Variants in SEPTIN8 observed in about 807,000 individuals in gnomAD.
The protein encoded by SEPTIN8 is septin 8.
SEPTIN8 carries 22 observed loss-of-function variants against 53.1 expected under a neutral mutation model. The ratio of observed to expected loss-of-function variants is 0.41; its 90% CI spans 0.30 to 0.59. The LOEUF (loss-of-function observed/expected upper bound fraction) is 0.59. Among genes scored for constraint, SEPTIN8 ranks in the 20% least tolerant of loss-of-function variants. SEPTIN8 has a pLI of 0.24. For synonymous variants in SEPTIN8, 228 were observed against 248.4 expected (o/e 0.92, Z 0.77); for missense variants, 536 against 638.7 (o/e 0.84, Z 1.73).
chr5:132,757,765 TC>T lies in SEPTIN8; in HGVS notation c.1286+3036del, dbSNP rs765010000. On this transcript the variant is annotated intron_variant, in intron 9 of 9. Transcript: ENST00000378719. ...TAGAAGAGTCAAAGCTGCTAGTACT[TC>T]CTTAAAATGTTCCCCTTTAGAGTGC... 1.4e-4 allele frequency: 141 copies of T among 985,284 alleles called. 1 individual carries two copies. The highest frequency in any genetic ancestry group is 5.2e-4 in the Middle Eastern group (1 of 1,936). The allele number at this position is 985,284 out of a possible 1,614,324, so 61.0% of individuals were successfully genotyped here. A position where few individuals can be genotyped will look rare whatever the true frequency, so the allele number is the denominator to read the frequency against.
intron 1 of SEPTIN8, among the ~76,000 whole-genome samples, chr5:132,767,985 A>ACACG (rs1491417775): frequency 6.7e-6 from 1 of 149,822 alleles, no homozygotes; most frequent in Non-Finnish European, 1.5e-5. Flanking sequence ...ACACACACAC[A>ACACG]CGCAGCCGCA....
At position 132,765,524 on chromosome 5, in the gene SEPTIN8, T is replaced by C. The variant is rs779193960; in HGVS notation, c.36A>G (p.Ala12=). The change falls in exon 2 of 10, where the codon GCA becomes GCG. Residue 12 remains alanine, a synonymous_variant. Transcript: ENST00000378719. Reference sequence around the variant, plus strand: ...GGGAGAGGCTCCGGGGCTCTGGCTCTGCATTCTGCCAAGAGAGAAATAAAG... The same window carrying C: ...GGGAGAGGCTCCGGGGCTCTGGCTCCGCATTCTGCCAAGAGAGAAATAAAG... The part of the protein sequence containing the change: ...AATDLERFSN[A]EPEPRSLSLG... 2 of 1,595,280 alleles carry C rather than the reference T, an allele frequency of 1.3e-6. No homozygotes were observed. The highest frequency in any genetic ancestry group is 2.2e-5 in the East Asian group (1 of 44,550).
chr5:132,770,923 C>T (rs1230534664), intron 1 of SEPTIN8, among the ~76,000 whole-genome samples: 1 of 152,208 alleles, frequency 6.6e-6, no homozygotes, highest in East Asian at 1.9e-4. Flanking sequence ...CACTAACAAG[C>T]TTTTGGCTCC....
intron 1 of SEPTIN8, among the ~76,000 whole-genome samples, chr5:132,774,727 A>G (rs1245322249): frequency 6.6e-6 from 1 of 152,188 alleles, no homozygotes; most frequent in East Asian, 1.9e-4. Context: ...CTGCAGGGCT[A>G]GACTGACCAC....
intron 9 of SEPTIN8, chr5:132,758,882 A>G (rs1157906123): frequency 6.6e-7 from 1 of 1,509,996 alleles, no homozygotes; most frequent in African/African-American, 1.4e-5. Flanking sequence ...AGATATGCAG[A>G]CCAAATCAAA....
In SEPTIN8 at chr5:132,763,717, G is replaced by C. The variant is rs1270388563; in HGVS notation, c.523C>G (p.Leu175Val). ...GGGGACAGGGATACCTTGCTGTCTAGTTTCTTCATGGTCACTAGATCTAGA... is the reference window on the plus strand; with the variant it reads ...GGGGACAGGGATACCTTGCTGTCTACTTTCTTCATGGTCACTAGATCTAGA... ...KSLDLVTMKK[L>V]DSKVNIIPII... Residue 175 changes from leucine (L) to valine (V), a missense_variant, in exon 4 of 10, where the codon CTA (leucine) becomes GTA (valine). This residue lies in a region of SEPTIN8 where 395 missense variants were observed against 451.8 expected (regional missense o/e 0.87). Transcript: ENST00000378719. 1 of 1,613,948 alleles carries C rather than the reference G, an allele frequency of 6.2e-7. No individual in the cohort carries two copies. The highest frequency in any genetic ancestry group is 8.5e-7 in the Non-Finnish European group (1 of 1,179,928).
In SEPTIN8 at chr5:132,770,022, T is replaced by C. The variant is rs13155628; in HGVS notation, c.31-4493A>G. Among the ~76,000 whole-genome samples the C allele has an allele frequency of 5.8e-3, 202 of 34,984 alleles. 1 individual carries two copies. The highest frequency in any genetic ancestry group is 7.2e-3 in the Admixed American group (18 of 2,490). The allele number at this position is 34,984 out of a possible 152,430, so 23.0% of individuals were successfully genotyped here. A position where few individuals can be genotyped will look rare whatever the true frequency, so the allele number is the denominator to read the frequency against. On this transcript the variant is annotated intron_variant, in intron 1 of 9. Coordinates refer to ENST00000378719, the MANE Select transcript of SEPTIN8 (RefSeq NM_001098811.2). Reference sequence around the variant, plus strand: ...ATATATATATATATATATATATATATACACACACATATATATATATGTGTG... The same window carrying C: ...ATATATATATATATATATATATATACACACACACATATATATATATGTGTG...
At chr5:132,752,592 G>T (rs780460325) in intron 9 of SEPTIN8, among the ~76,000 whole-genome samples, 32 of 152,152 alleles carry the variant, frequency 2.1e-4, no homozygotes, top group Admixed American at 9.8e-4. Context: ...AGGTACAGGG[G>T]TACCATGAGG....
Position 132,751,099 on chromosome 5 carries a change from T to C in SEPTIN8, c.*917A>G, listed in dbSNP as rs1754807961. On this transcript the variant is annotated 3_prime_UTR_variant, in exon 10 of 10. Transcript: ENST00000378719. ...GCAAAGCACAGGCGTGCACACGCCC[T>C]TGCACATGCACCACAGTGAGGTGAC... 1.5e-6 allele frequency: 2 copies of C among 1,345,742 alleles called. No homozygotes were observed. Among genetic ancestry groups the C allele is most frequent in the African/African-American group, 1.4e-5 (1 of 69,272 alleles). The allele number at this position is 1,345,742 out of a possible 1,614,324, so 83.4% of individuals were successfully genotyped here.
intron 9 of SEPTIN8, among the ~76,000 whole-genome samples, chr5:132,759,818 G>A (rs781746815): frequency 2.0e-5 from 3 of 152,202 alleles, no homozygotes; most frequent in Non-Finnish European, 2.9e-5. Context: ...TAGCATGGCT[G>A]TGAATGAGGT....
Position 132,752,295 on chromosome 5 carries a change from GA to G in SEPTIN8, c.1287-115del, listed in dbSNP as rs530189479. The stretch of plus-strand genomic sequence containing the variant: ...GTACCCTTTGCCCTTGTAGCCTCTG[GA>G]AAATGTTCTGGCCATAACCCTGGAA... On this transcript the variant is annotated intron_variant, in intron 9 of 9. Coordinates refer to ENST00000378719, the MANE Select transcript of SEPTIN8 (RefSeq NM_001098811.2). The G allele has an allele frequency of 3.9e-5, 52 of 1,347,030 alleles. No individual in the cohort carries two copies. The South Asian group carries it at 7.6e-4, about 20-fold the overall frequency. 83.4% of individuals were successfully genotyped at this position (1,347,030 alleles called of 1,614,324 possible). A position where few individuals can be genotyped will look rare whatever the true frequency, so the allele number is the denominator to read the frequency against.
At chr5:132,752,907 G>A (rs1346094240) in intron 9 of SEPTIN8, 1 of 1,614,154 alleles carries the variant, frequency 6.2e-7, no homozygotes, top group South Asian at 1.1e-5. Context: ...AACTTGTAAT[G>A]CAGCAACTGA....
chr5:132,752,865 G>C (rs775192460), intron 9 of SEPTIN8: 4 of 1,613,076 alleles, frequency 2.5e-6, no homozygotes, highest in Non-Finnish European at 3.4e-6. Context: ...TTCTAATACA[G>C]GTTGGTGATA....
At chr5:132,752,314 C>T (rs1480885123) in intron 9 of SEPTIN8, 133 bp from the exon 10 acceptor site, 4 of 1,218,046 alleles carry the variant, frequency 3.3e-6, no homozygotes, top group Non-Finnish European at 4.5e-6. Flanking sequence ...CTGGCCATAA[C>T]CCTGGAAAGA....
At chr5:132,758,789 G>C in intron 9 of SEPTIN8, 2 of 1,614,136 alleles carry the variant, frequency 1.2e-6, no homozygotes, top group Non-Finnish European at 8.5e-7. Flanking sequence ...AAAGTCTAAA[G>C]TCCACTCTTG....
upstream of SEPTIN8, chr5:132,777,665 G>A (rs1471582566): frequency 5.1e-6 from 5 of 985,442 alleles, no homozygotes; most frequent in Admixed American, 1.2e-4. This position sits in a 1 kb window ranked among gnomAD's most constrained non-coding sequence, Gnocchi z 4.1. Flanking sequence ...AAATGTGCTG[G>A]GACCACCAAC....
intron 9 of SEPTIN8, among the ~76,000 whole-genome samples, chr5:132,759,688 G>A (rs963119654): frequency 6.6e-6 from 1 of 152,168 alleles, no homozygotes; most frequent in Non-Finnish European, 1.5e-5. Flanking sequence ...AATGGATCCC[G>A]AGAATGACGG....
intron 1 of SEPTIN8, among the ~76,000 whole-genome samples, chr5:132,770,734 A>G (rs1272317464): frequency 2.0e-5 from 3 of 152,056 alleles, no homozygotes; most frequent in Non-Finnish European, 4.4e-5. Flanking sequence ...CTTAACTTGG[A>G]CCCCAGAGAG....
At chr5:132,753,231 G>A in intron 9 of SEPTIN8, 3 of 469,690 alleles carry the variant, frequency 6.4e-6, no homozygotes, top group Non-Finnish European at 7.7e-6. Flanking sequence ...CCTGAAGCCA[G>A]GGAGTATGAA....
Sources: allele counts gnomAD v4.1 joint callset (sites outside exome capture counted in the v4.1 genomes callset), GRCh38; gene constraint gnomAD v4.1.1; regional missense constraint gnomAD v4.1.1; non-coding constraint Gnocchi (gnomAD v3.1); transcripts MANE v1.5; gene names NCBI Gene and HGNC (gene_info 2026-07-23, HGNC 2026-07-21).